The following GSK3B variants were observed in gnomAD, a reference collection of about 807,000 sequenced individuals.
GSK3B encodes the protein glycogen synthase kinase-3 beta.
Under a neutral mutation model 56.4 loss-of-function variants are expected in GSK3B, and 15 were observed. The observed-to-expected ratio is 0.27, with a 90% confidence interval of 0.18 to 0.41. The LOEUF is 0.41. GSK3B is among the 10% of genes least tolerant of loss of function. The pLI is 1.00. For synonymous variants in GSK3B, 181 were observed against 188.9 expected, an observed-to-expected ratio of 0.96 and a Z score of 0.34; for missense variants, 300 against 513.4, an observed-to-expected ratio of 0.58 and a Z score of 4.02.
intron 1 of GSK3B, among the ~76,000 whole-genome samples, chr3:120,044,328 G>C (rs1247720597): frequency 2.0e-5 from 3 of 152,162 alleles, no homozygotes. Context: ...GCCCTTCCAA[G>C]AGCTTACCCA....
In GSK3B at chr3:119,831,398, C is replaced by T. The variant is rs183134582; in HGVS notation, c.1196-4543G>A. Among the ~76,000 whole-genome samples, 355 of 152,238 alleles carry T rather than the reference C, an allele frequency of 2.3e-3. 3 individuals are homozygous for T. Among genetic ancestry groups the T allele is most frequent in the African/African-American group, 7.7e-3 (319 of 41,548 alleles). Reference sequence around the variant, plus strand: ...GTGGGCCGGGCGCGGTGGCTCATGACTGTAATCCCAGCACTTTGGGAGGCC... The same window carrying T: ...GTGGGCCGGGCGCGGTGGCTCATGATTGTAATCCCAGCACTTTGGGAGGCC... On this transcript the variant is annotated intron_variant, in intron 10 of 10. Coordinates refer to ENST00000264235, the MANE Select transcript of GSK3B (RefSeq NM_001146156.2).
At chr3:119,848,222 T>C (rs1577313273) in intron 9 of GSK3B, among the ~76,000 whole-genome samples, 1 of 152,206 alleles carries the variant, frequency 6.6e-6, no homozygotes. Flanking sequence ...GTTCTCCCAG[T>C]TACCTGGGAT....
At chr3:119,993,870 G>C (rs1330071612) in intron 2 of GSK3B, among the ~76,000 whole-genome samples, 1 of 152,064 alleles carries the variant, frequency 6.6e-6, no homozygotes, top group African/African-American at 2.4e-5. Flanking sequence ...AAGGGCTTTC[G>C]CTGACCAAAT....
At chr3:119,876,647 A>T in intron 7 of GSK3B, 139 bp from the exon 8 acceptor site, 1 of 615,176 alleles carries the variant, frequency 1.6e-6, no homozygotes, top group Admixed American at 2.8e-5. Context: ...GAGCAGTGCC[A>T]TGATTTGAAT....
intron 6 of GSK3B, among the ~76,000 whole-genome samples, chr3:119,908,110 T>C (rs2056700723): frequency 6.6e-6 from 1 of 152,214 alleles, no homozygotes; most frequent in South Asian, 2.1e-4. Flanking sequence ...TGGGAGGGTC[T>C]GTTTAAAAAC....
At chr3:119,896,397 G>A (rs1290751473) in intron 7 of GSK3B, among the ~76,000 whole-genome samples, 3 of 151,504 alleles carry the variant, frequency 2.0e-5, no homozygotes, top group East Asian at 1.9e-4. Flanking sequence ...ATAGAAAGGG[G>A]GGTATATGAA....
At chr3:119,955,127 A>G (rs1008855131) in intron 2 of GSK3B, among the ~76,000 whole-genome samples, 1 of 152,106 alleles carries the variant, frequency 6.6e-6, no homozygotes, top group Non-Finnish European at 1.5e-5. Context: ...AGGTTATCCA[A>G]AGTTGCATTA....
chr3:119,839,735 G>A lies in GSK3B; in HGVS notation c.1195+3520C>T, dbSNP rs184709055. Reference sequence around the variant, plus strand: ...TTTAAGTATTATTTTGCTTCTTGTTGATATGACTGTCATAAACTAAAAGTG... The same window carrying A: ...TTTAAGTATTATTTTGCTTCTTGTTAATATGACTGTCATAAACTAAAAGTG... On this transcript the variant is annotated intron_variant, in intron 10 of 10. Coordinates refer to ENST00000264235, the MANE Select transcript of GSK3B (RefSeq NM_001146156.2). Among the ~76,000 whole-genome samples, 130 of 152,238 alleles carry A rather than the reference G, an allele frequency of 8.5e-4. 1 individual carries two copies. The highest frequency in any genetic ancestry group is 2.8e-3 in the African/African-American group (115 of 41,560).
At chr3:119,833,690 GT>G (rs902919136) in intron 10 of GSK3B, among the ~76,000 whole-genome samples, 2,212 of 75,844 alleles carry the variant, frequency 0.029, 23 homozygotes, top group African/African-American at 0.075. Context: ...ACATTAGGTT[GT>G]TTTTTTTTTT....
Position 120,083,872 on chromosome 3 carries a change from A to C in GSK3B, c.88+9475T>G, listed in dbSNP as rs142713835. On this transcript the variant is annotated intron_variant, in intron 1 of 10. Coordinates refer to ENST00000264235, the MANE Select transcript of GSK3B (RefSeq NM_001146156.2). ...ATAACATGGGAGAAAGAAAACAGTC[A>C]TAAATGGCCATGTATTACATAAATC... 1.1e-4 allele frequency among the ~76,000 whole-genome samples: 17 copies of C among 152,372 alleles called. No individual in the cohort carries two copies. The East Asian group carries it at 3.3e-3, about 29-fold the overall frequency.
intron 4 of GSK3B, among the ~76,000 whole-genome samples, chr3:119,917,385 A>ACAG (rs2056792064): frequency 1.3e-5 from 2 of 152,178 alleles, no homozygotes; most frequent in African/African-American, 4.8e-5. Context: ...AAGATCTTTT[A>ACAG]TAAGGTCAGC....
chr3:120,070,262 T>A (rs1446586670), intron 1 of GSK3B, among the ~76,000 whole-genome samples: 1 of 149,766 alleles, frequency 6.7e-6, no homozygotes, highest in African/African-American at 2.5e-5. Flanking sequence ...ACATCCTGTA[T>A]ATATAACAGT....
At chr3:120,025,412 C>T (rs2057914425) in intron 1 of GSK3B, among the ~76,000 whole-genome samples, 1 of 151,884 alleles carries the variant, frequency 6.6e-6, no homozygotes, top group Non-Finnish European at 1.5e-5. Context: ...CAGAAAAAAA[C>T]ACAGTGAAAA....
At chr3:119,861,942 A>G (rs2108031661) in intron 9 of GSK3B, among the ~76,000 whole-genome samples, 1 of 152,308 alleles carries the variant, frequency 6.6e-6, no homozygotes, top group Admixed American at 6.5e-5. Context: ...TGATAACCAC[A>G]GAGACCACAC....
chr3:119,969,674 GCAAA>G (rs907252633), intron 2 of GSK3B, among the ~76,000 whole-genome samples: 12 of 152,154 alleles, frequency 7.9e-5, no homozygotes, highest in African/African-American at 2.9e-4. Context: ...CCCAGAACTA[GCAAA>G]CAAATATGGT....
At chr3:120,036,098 C>T (rs1050508446) in intron 1 of GSK3B, among the ~76,000 whole-genome samples, 1 of 152,170 alleles carries the variant, frequency 6.6e-6, no homozygotes, top group Non-Finnish European at 1.5e-5. Context: ...TATGTATTAG[C>T]TCCGGGTTTT....
chr3:119,920,852 AAAG>A (rs1467323314), intron 4 of GSK3B, among the ~76,000 whole-genome samples: 2 of 152,226 alleles, frequency 1.3e-5, no homozygotes, highest in Non-Finnish European at 2.9e-5. Flanking sequence ...TTTTGGAAAA[AAAG>A]AAGATGCATT....
intron 3 of GSK3B, among the ~76,000 whole-genome samples, chr3:119,933,784 G>A (rs1475870013): frequency 2.0e-5 from 3 of 152,216 alleles, no homozygotes; most frequent in African/African-American, 4.8e-5. Flanking sequence ...GGCCAAGGCA[G>A]GAGAATCACT....
At chr3:119,896,302 GT>G (rs2056562797) in intron 7 of GSK3B, among the ~76,000 whole-genome samples, 1 of 151,734 alleles carries the variant, frequency 6.6e-6, no homozygotes, top group Admixed American at 6.6e-5. Flanking sequence ...TTCATTTTTG[GT>G]TGATACATAT....
Sources: allele counts gnomAD v4.1 joint callset (sites outside exome capture counted in the v4.1 genomes callset), GRCh38; gene constraint gnomAD v4.1.1; transcripts MANE v1.5; gene names NCBI Gene and HGNC (gene_info 2026-07-23, HGNC 2026-07-21).